MBNL1: variants seen among roughly 807,000 people sequenced by gnomAD.
MBNL1 encodes the protein muscleblind like splicing regulator 1, also known as muscleblind-like protein 1.
A neutral mutation model predicts 42.2 loss-of-function variants in MBNL1; 8 were observed. The observed-to-expected ratio is 0.19, with a 90% confidence interval of 0.11 to 0.34. The LOEUF (loss-of-function observed/expected upper bound fraction) is 0.34, where lower values mean the gene tolerates loss of function less well. Among genes scored for constraint, MBNL1 ranks in the 10% least tolerant of loss-of-function variants. The pLI is 1.00. For missense variants in MBNL1, 309 were observed against 495.3 expected (o/e 0.62, Z 3.57); for synonymous variants, 169 against 173.9 (o/e 0.97, Z 0.22).
At chr3:152,332,313 A>C (rs1270882193) in intron 2 of MBNL1, among the ~76,000 whole-genome samples, 1 of 152,166 alleles carries the variant, frequency 6.6e-6, no homozygotes, top group Non-Finnish European at 1.5e-5. Context: ...TTTTTGAATA[A>C]TTTTTGCTTA....
intron 1 of MBNL1, among the ~76,000 whole-genome samples, chr3:152,295,498 A>G (rs2058177689): frequency 1.3e-5 from 2 of 152,132 alleles, no homozygotes; most frequent in African/African-American, 2.4e-5. Flanking sequence ...TATTTCTGTA[A>G]GTGTGAATGA....
rs538428349 is a variant in MBNL1 at position 152,321,348 on chromosome 3, G to C, written c.174+20981G>C. ...ATATGTTACTCATTGAGACTTACTG[G>C]CCTTCTTCAGGGAACTTCAGATTTT... On this transcript the variant is annotated intron_variant, in intron 2 of 9. Transcript: ENST00000324210. Among the ~76,000 whole-genome samples the C allele has an allele frequency of 8.6e-4, 131 of 152,170 alleles. 2 individuals are homozygous for C. Among genetic ancestry groups the C allele is most frequent in the South Asian group, 3.1e-3 (15 of 4,826 alleles).
intron 1 of MBNL1, among the ~76,000 whole-genome samples, chr3:152,288,948 G>A (rs1247226984): frequency 6.6e-6 from 1 of 151,988 alleles, no homozygotes; most frequent in Non-Finnish European, 1.5e-5. Flanking sequence ...TCTATTTATA[G>A]AAAAACAGAC....
chr3:152,269,473 G>A (rs536108996), intron 1 of MBNL1: 4 of 453,180 alleles, frequency 8.8e-6, no homozygotes, highest in Non-Finnish European at 1.8e-5. Flanking sequence ...CCTCTGAGTC[G>A]AGCGGCGCGC....
intron 2 of MBNL1, among the ~76,000 whole-genome samples, chr3:152,394,145 A>G (rs1341026435): frequency 6.6e-6 from 1 of 152,210 alleles, no homozygotes; most frequent in Non-Finnish European, 1.5e-5. Context: ...GACAGCAGTA[A>G]TATTTTGAGG....
intron 1 of MBNL1, among the ~76,000 whole-genome samples, chr3:152,286,697 C>A (rs965446264): frequency 2.0e-5 from 3 of 151,052 alleles, no homozygotes; most frequent in Non-Finnish European, 4.4e-5. Flanking sequence ...ATATCACAAT[C>A]TGTAAAGCAT....
intron 2 of MBNL1, among the ~76,000 whole-genome samples, chr3:152,316,311 G>C (rs898835877): frequency 1.3e-5 from 2 of 152,218 alleles, no homozygotes; most frequent in African/African-American, 4.8e-5. Flanking sequence ...GTTGAAAGTA[G>C]AGAGTGTAAG....
intron 2 of MBNL1, among the ~76,000 whole-genome samples, chr3:152,319,257 A>G (rs759657870): frequency 8.5e-5 from 13 of 152,114 alleles, no homozygotes; most frequent in Non-Finnish European, 1.5e-4. Context: ...GCATTTAGAG[A>G]TGATTTTTTC....
At chr3:152,401,323 AG>A (rs1167687263) in intron 2 of MBNL1, among the ~76,000 whole-genome samples, 1 of 152,224 alleles carries the variant, frequency 6.6e-6, no homozygotes, top group East Asian at 1.9e-4. Context: ...CAAGAAAAGA[AG>A]GGAGGGAAAG....
chr3:152,387,226 T>C (rs2097477943), intron 2 of MBNL1, among the ~76,000 whole-genome samples: 1 of 150,326 alleles, frequency 6.7e-6, no homozygotes, highest in Non-Finnish European at 1.5e-5. Flanking sequence ...ATTTTTAAGC[T>C]ATTCCAGTCT....
intron 2 of MBNL1, among the ~76,000 whole-genome samples, chr3:152,406,370 A>C (rs754606255): frequency 2.0e-5 from 3 of 152,202 alleles, no homozygotes; most frequent in Non-Finnish European, 4.4e-5. Flanking sequence ...TCTTCAGATG[A>C]CTATCAGCTA....
At chr3:152,384,150 T>C (rs2097306012) in intron 2 of MBNL1, among the ~76,000 whole-genome samples, 1 of 152,168 alleles carries the variant, frequency 6.6e-6, no homozygotes, top group South Asian at 2.1e-4. Context: ...TAATGTTTTA[T>C]TTTTAAGGAA....
chr3:152,317,779 C>G (rs930620426), intron 2 of MBNL1, among the ~76,000 whole-genome samples: 2 of 152,072 alleles, frequency 1.3e-5, no homozygotes, highest in Non-Finnish European at 2.9e-5. Context: ...GTTCTGTTTT[C>G]AAATAGATGT....
intron 6 of MBNL1, among the ~76,000 whole-genome samples, chr3:152,452,907 C>T (rs1302221084): frequency 2.0e-5 from 3 of 151,970 alleles, no homozygotes; most frequent in Admixed American, 2.0e-4. Context: ...CAACGAAAGG[C>T]CAGGAAACTC....
chr3:152,273,907 G>C (rs751184245), intron 1 of MBNL1, among the ~76,000 whole-genome samples: 2 of 152,110 alleles, frequency 1.3e-5, no homozygotes, highest in African/African-American at 4.8e-5. Context: ...TGTAACGCAT[G>C]CATGAGCATA....
chr3:152,379,881 G>C (rs2097105449), intron 2 of MBNL1, among the ~76,000 whole-genome samples: 1 of 152,066 alleles, frequency 6.6e-6, no homozygotes, highest in African/African-American at 2.4e-5. Context: ...GGGATAGATG[G>C]AGGCTATTTA....
chr3:152,464,492 T>C lies in MBNL1; in HGVS notation c.*2126T>C, dbSNP rs943883515. 6.5e-5 allele frequency: 10 copies of C among 152,714 alleles called. No individual in the cohort carries two copies. Among genetic ancestry groups the C allele is most frequent in the African/African-American group, 2.4e-4 (10 of 41,588 alleles). 9.5% of individuals were successfully genotyped at this position (152,714 alleles called of 1,614,324 possible). A position where few individuals can be genotyped will look rare whatever the true frequency, so the allele number is the denominator to read the frequency against. The stretch of plus-strand genomic sequence containing the variant: ...CTATCGCAACAATCCTGGCAGACAA[T>C]TGAGTAATATTTTGATGATTTATTT... On this transcript the variant is annotated 3_prime_UTR_variant, in exon 10 of 10. Transcript: ENST00000324210.
intron 3 of MBNL1, among the ~76,000 whole-genome samples, chr3:152,427,496 C>T (rs1484953715): frequency 2.0e-5 from 3 of 152,102 alleles, no homozygotes; most frequent in Non-Finnish European, 2.9e-5. Flanking sequence ...TCAAGTGATT[C>T]TCCTGCCTCA....
At chr3:152,278,623 T>G (rs1343538474) in intron 1 of MBNL1, among the ~76,000 whole-genome samples, 1 of 152,118 alleles carries the variant, frequency 6.6e-6, no homozygotes, top group African/African-American at 2.4e-5. Context: ...AATATTTTAT[T>G]GGGAGCAATT....
Sources: gnomAD v4.1 joint callset for allele counts (sites outside exome capture counted in the v4.1 genomes callset) on GRCh38, gnomAD v4.1.1 for gene constraint, MANE v1.5 for transcripts, NCBI Gene and HGNC (gene_info 2026-07-23, HGNC 2026-07-21) for gene names.